DOCK4: variants seen among roughly 807,000 people sequenced by gnomAD.
The protein encoded by DOCK4 is dedicator of cytokinesis 4.
A neutral mutation model predicts 268.1 loss-of-function variants in DOCK4; 97 were observed. The ratio of observed to expected loss-of-function variants is 0.36; its 90% CI spans 0.31 to 0.43. The LOEUF (loss-of-function observed/expected upper bound fraction) is 0.43, where lower values mean the gene tolerates loss of function less well. DOCK4 is among the 20% of genes least tolerant of loss of function. DOCK4 has a pLI of 1.00. For missense variants in DOCK4, 2,145 were observed against 2,455.7 expected, an observed-to-expected ratio of 0.87 and a Z score of 2.67; for synonymous variants, 954 against 887.2, an observed-to-expected ratio of 1.08 and a Z score of -1.34.
intron 1 of DOCK4, among the ~76,000 whole-genome samples, chr7:112,196,702 G>C (rs1042419390): frequency 6.6e-6 from 1 of 152,112 alleles, no homozygotes; most frequent in Non-Finnish European, 1.5e-5. Context: ...AGGCCTCTCT[G>C]TTTAATAAGG....
At chr7:112,140,504 G>GAAAC (rs1341712188) in intron 1 of DOCK4, among the ~76,000 whole-genome samples, 1 of 151,152 alleles carries the variant, frequency 6.6e-6, no homozygotes, top group East Asian at 1.9e-4. Context: ...GTTTTTCATG[G>GAAAC]AAACAAACCA....
chr7:111,763,664 T>C (rs1442967675), intron 39 of DOCK4, among the ~76,000 whole-genome samples: 1 of 152,144 alleles, frequency 6.6e-6, no homozygotes, highest in Non-Finnish European at 1.5e-5. Context: ...GACGACCTAC[T>C]GTGGCAGGGT....
chr7:111,892,157 A>G (rs1462262280), intron 16 of DOCK4, among the ~76,000 whole-genome samples: 1 of 152,200 alleles, frequency 6.6e-6, no homozygotes, highest in East Asian at 1.9e-4. Context: ...GTAGATTATA[A>G]GAATGTTCAT....
intron 1 of DOCK4, among the ~76,000 whole-genome samples, chr7:112,081,971 G>A (rs573677044): frequency 2.0e-5 from 3 of 152,076 alleles, no homozygotes; most frequent in African/African-American, 7.2e-5. Context: ...GTGACAAATT[G>A]GGCAAGTCAC....
intron 1 of DOCK4, among the ~76,000 whole-genome samples, chr7:112,019,538 T>C (rs1325343366): frequency 6.6e-6 from 1 of 152,126 alleles, no homozygotes; most frequent in Non-Finnish European, 1.5e-5. Flanking sequence ...AAATGAATAA[T>C]TCAGCTATTT....
chr7:112,059,715 A>AT (rs1806216625), intron 1 of DOCK4, among the ~76,000 whole-genome samples: 1 of 152,214 alleles, frequency 6.6e-6, no homozygotes, highest in African/African-American at 2.4e-5. Flanking sequence ...TTAGGAAAAC[A>AT]TGGACATGTC....
At chr7:112,054,033 G>A (rs1805601504) in intron 1 of DOCK4, among the ~76,000 whole-genome samples, 1 of 152,104 alleles carries the variant, frequency 6.6e-6, no homozygotes, top group Non-Finnish European at 1.5e-5. Flanking sequence ...AAAGGAATGG[G>A]ATTTGGGACT....
At chr7:112,151,866 G>A (rs1180779616) in intron 1 of DOCK4, among the ~76,000 whole-genome samples, 1 of 150,906 alleles carries the variant, frequency 6.6e-6, no homozygotes, top group African/African-American at 2.4e-5. Context: ...AAAAACCTGT[G>A]CCTGGCTTTA....
chr7:112,011,060 CAGCTGAAGAG>C (rs1801254512), intron 1 of DOCK4, among the ~76,000 whole-genome samples: 1 of 152,188 alleles, frequency 6.6e-6, no homozygotes, highest in Admixed American at 6.5e-5. Context: ...GGGATGGCTT[CAGCTGAAGAG>C]AGCTGCTTTG....
intron 44 of DOCK4, among the ~76,000 whole-genome samples, chr7:111,745,735 C>T (rs1796220590): frequency 7.4e-6 from 1 of 135,922 alleles, no homozygotes; most frequent in Non-Finnish European, 1.6e-5. Flanking sequence ...TACAGCAAGT[C>T]TCTAGGAAGA....
At chr7:112,105,283 T>C (rs1283799455) in intron 1 of DOCK4, among the ~76,000 whole-genome samples, 1 of 152,268 alleles carries the variant, frequency 6.6e-6, no homozygotes, top group Non-Finnish European at 1.5e-5. Flanking sequence ...CATAGGAATA[T>C]GTTTAGGGAA....
In DOCK4 at chr7:111,730,475, T is replaced by TA. The variant is rs747381184; in HGVS notation, c.5481+1750dup. On this transcript the variant is annotated intron_variant, in intron 52 of 52. Transcript: ENST00000428084. ...TTGTAAACAAAATAACGCTGGTAGATACACATCCTGTCATTTAGTAGGAGC... is the reference window on the plus strand; with the variant it reads ...TTGTAAACAAAATAACGCTGGTAGATAACACATCCTGTCATTTAGTAGGAGC... Among the ~76,000 whole-genome samples, 14 of 152,344 alleles carry TA rather than the reference T, an allele frequency of 9.2e-5. No homozygotes were observed. The East Asian group carries it at 1.5e-3, about 17-fold the overall frequency.
chr7:112,142,638 C>T (rs995564429), intron 1 of DOCK4, among the ~76,000 whole-genome samples: 9 of 152,158 alleles, frequency 5.9e-5, no homozygotes, highest in African/African-American at 2.2e-4. Context: ...GCCTACCACT[C>T]ATTTTTTAAA....
chr7:112,166,377 C>T (rs958821262), intron 1 of DOCK4, among the ~76,000 whole-genome samples: 2 of 152,196 alleles, frequency 1.3e-5, no homozygotes, highest in Non-Finnish European at 2.9e-5. Flanking sequence ...GAAACCCTCA[C>T]TACAATCTAT....
intron 8 of DOCK4, among the ~76,000 whole-genome samples, chr7:111,956,937 G>A (rs1352395613): frequency 6.6e-6 from 1 of 152,076 alleles, no homozygotes; most frequent in East Asian, 1.9e-4. Context: ...ACATCTTACT[G>A]ATAGATTCTT....
chr7:112,155,756 C>T (rs547772209), intron 1 of DOCK4, among the ~76,000 whole-genome samples: 10 of 152,044 alleles, frequency 6.6e-5, no homozygotes, highest in South Asian at 2.1e-4. Context: ...AGGTAATGGA[C>T]GGTAGTATTT....
intron 15 of DOCK4, 91 bp downstream of exon 15, chr7:111,900,283 A>G (rs1791025752): frequency 5.7e-6 from 8 of 1,411,722 alleles, no homozygotes; most frequent in Non-Finnish European, 6.7e-6. Context: ...AAAGTAATCA[A>G]CTTAAGATCA....
chr7:112,163,412 T>C (rs1586952259), intron 1 of DOCK4, among the ~76,000 whole-genome samples: 1 of 152,114 alleles, frequency 6.6e-6, no homozygotes, highest in Non-Finnish European at 1.5e-5. Flanking sequence ...TCCTTTCTCA[T>C]AGCTAACTGA....
intron 1 of DOCK4, among the ~76,000 whole-genome samples, chr7:112,082,509 G>C (rs1010007654): frequency 1.3e-5 from 2 of 152,118 alleles, no homozygotes; most frequent in Admixed American, 1.3e-4. Flanking sequence ...GGCACGCTGG[G>C]ATTTCCCAGC....
Sources: gnomAD v4.1 joint callset for allele counts (sites outside exome capture counted in the v4.1 genomes callset) on GRCh38, gnomAD v4.1.1 for gene constraint, MANE v1.5 for transcripts, NCBI Gene and HGNC (gene_info 2026-07-23, HGNC 2026-07-21) for gene names.